BICDL2: variants seen among roughly 807,000 people sequenced by gnomAD.
BICDL2 encodes BICD family-like cargo adapter 2.
In BICDL2, 62 loss-of-function variants were observed where a neutral mutation model predicts 56.6. The ratio of observed to expected loss-of-function variants is 1.10; its 90% CI spans 0.89 to 1.35. The LOEUF (loss-of-function observed/expected upper bound fraction) is 1.35, where lower values mean the gene tolerates loss of function less well. BICDL2 is among the 40% of genes most tolerant of loss of function. The probability of loss-of-function intolerance (pLI) is 0.00; values close to 1 mark genes in which losing one functional copy is unlikely to be tolerated. For missense variants in BICDL2, 808 were observed against 684.5 expected, an observed-to-expected ratio of 1.18 and a Z score of -2.01; for synonymous variants, 358 against 319.8, an observed-to-expected ratio of 1.12 and a Z score of -1.27.
intron 1 of BICDL2, 145 bp downstream of exon 1, chr16:3,036,749 G>A: frequency 2.6e-6 from 1 of 387,674 alleles, no homozygotes; most frequent in Non-Finnish European, 5.0e-6. Context: ...CCCGACGGCT[G>A]AGTTCCTGCC....
chr16:3,035,176 T>TGGCCCGGGGGGGGGGGGGGGGGGGGGG, intron 2 of BICDL2, 39 bp downstream of exon 2: 2 of 136,274 alleles, frequency 1.5e-5, no homozygotes, highest in East Asian at 1.4e-4. Context: ...CGTCCTCCCC[T>TGGCCCGGGGGGGGGGGGGGGGGGGGGG]GCCCACCCAC....
Position 3,036,553 on chromosome 16 carries a change from G to T in BICDL2, c.-31+341C>A, listed in dbSNP as rs1170704060. 7 of 452,364 alleles carry T rather than the reference G, an allele frequency of 1.5e-5. No individual in the cohort carries two copies. The Middle Eastern group carries it at 9.8e-4, about 63-fold the overall frequency. 28.0% of individuals were successfully genotyped at this position (452,364 alleles called of 1,614,324 possible). ...TGAGTGTCACGGTGGTCCCAGCCCAGCCGCCCCCAGGCCGCTCCCGGGGAC... is the reference window on the plus strand; with the variant it reads ...TGAGTGTCACGGTGGTCCCAGCCCATCCGCCCCCAGGCCGCTCCCGGGGAC... On this transcript the variant is annotated intron_variant, in intron 1 of 9. Transcript: ENST00000572449.
Position 3,029,747 on chromosome 16 carries a change from C to T in BICDL2, c.763-8G>A, listed in dbSNP as rs766130035. 1 of 1,483,888 alleles carries T rather than the reference C, an allele frequency of 6.7e-7. No homozygotes were observed. The highest frequency in any genetic ancestry group is 8.9e-7 in the Non-Finnish European group (1 of 1,125,472). The allele number at this position is 1,483,888 out of a possible 1,614,324, so 91.9% of individuals were successfully genotyped here. A position where few individuals can be genotyped will look rare whatever the true frequency, so the allele number is the denominator to read the frequency against. ...TGACCGTGCGCGTTCCAGCTGTGGA[C>T]GGTCCCGCAGACGGAAGCGCGGGCG... On this transcript the variant is annotated splice_polypyrimidine_tract_variant and splice_region_variant and intron_variant, in intron 5 of 9. Transcript: ENST00000572449.
In BICDL2 at chr16:3,035,375, C is replaced by T. The variant is rs757603388; in HGVS notation, c.122G>A (p.Gly41Asp). 5 of 1,607,526 alleles carry T rather than the reference C, an allele frequency of 3.1e-6. No homozygotes were observed. Among genetic ancestry groups the T allele is most frequent in the African/African-American group, 2.7e-5 (2 of 74,930 alleles). ...LERRDSFLGG[G>D]PGPEEPEDLA... Reference sequence around the variant, plus strand: ...GTCCTCGGGCTCCTCAGGCCCTGGGCCCCCTCCCAGGAATGAGTCCCGCCG... The same window carrying T: ...GTCCTCGGGCTCCTCAGGCCCTGGGTCCCCTCCCAGGAATGAGTCCCGCCG... Residue 41 changes from glycine (G) to aspartate (D), a missense_variant, in exon 2 of 10, where the codon GGC becomes GAC. Physicochemically the swap from Gly to Asp is moderately conservative, Grantham distance 94 (BLOSUM62 -1). Transcript: ENST00000572449.
chr16:3,030,294 T>A, intron 5 of BICDL2, 155 bp downstream of exon 5: 1 of 928,188 alleles, frequency 1.1e-6, no homozygotes, highest in Non-Finnish European at 1.6e-6. Context: ...TCAACAGCCT[T>A]CCGTGGCTCC....
intron 1 of BICDL2, chr16:3,036,613 C>A (rs749513648): frequency 4.4e-6 from 2 of 450,642 alleles, no homozygotes; most frequent in South Asian, 3.1e-5. Context: ...CCCGCTCCCC[C>A]GCCCCCCTCC....
At chr16:3,035,176 T>TTGGCCCCGGGGGGGGGGGGGGG in intron 2 of BICDL2, 39 bp downstream of exon 2, 1 of 136,272 alleles carries the variant, frequency 7.3e-6, no homozygotes, top group Non-Finnish European at 1.4e-5. Context: ...CGTCCTCCCC[T>TTGGCCCCGGGGGGGGGGGGGGG]GCCCACCCAC....
chr16:3,029,469 T>TGGGGAAAG lies in BICDL2; in HGVS notation c.958-48_958-41dup, dbSNP rs763422024. 1.9e-6 allele frequency: 3 copies of TGGGGAAAG among 1,588,654 alleles called. No individual in the cohort carries two copies. The Admixed American group carries it at 5.2e-5, about 28-fold the overall frequency. On this transcript the variant is annotated intron_variant, in intron 6 of 9. Transcript: ENST00000572449. ...AATGGGTTAGTGGTGTGGAGTTTAT[T>TGGGGAAAG]GGGGAAAGGAGGAAAGGCGGAGCCT...
At position 3,030,562 on chromosome 16, in the gene BICDL2, C is replaced by A. The variant is rs1955637884; in HGVS notation, c.649G>T (p.Glu217Ter). The A allele has an allele frequency of 1.9e-6, 3 of 1,597,348 alleles. No individual in the cohort carries two copies. Among genetic ancestry groups the A allele is most frequent in the Non-Finnish European group, 1.7e-6 (2 of 1,176,038 alleles). ...TCACGCAGGCCTCGGATCTGGGCCT[C>A]CAGGTCCTGCCGGCGGCTCTGCAGC... ...QMLQSRRQDL[E>*]AQIRGLREEV... The change falls in exon 5 of 10, where the codon GAG becomes TAG. Residue 217 changes from glutamate to a stop codon, truncating the protein, a stop_gained. Transcript: ENST00000572449. LOFTEE classifies it high-confidence loss of function.
rs1056542508 is a variant in BICDL2, at chr16:3,027,953, T to A, written c.*153A>T. On this transcript the variant is annotated 3_prime_UTR_variant, in exon 10 of 10. Coordinates refer to ENST00000572449, the MANE Select transcript of BICDL2 (RefSeq NM_001369667.1). ...CCACAAAGCTGGCCCCTGCTCCGGA[T>A]GAGCCCCTGCTCCCGATGAGCCCTT... is the stretch of plus-strand genomic sequence containing the variant. 1 of 1,182,658 alleles carries A rather than the reference T, an allele frequency of 8.5e-7. No homozygotes were observed. 73.3% of individuals were successfully genotyped at this position (1,182,658 alleles called of 1,614,324 possible).
In BICDL2 at chr16:3,029,666, A is replaced by G. The variant is rs750214915; in HGVS notation, c.836T>C (p.Leu279Pro). The G allele has an allele frequency of 1.3e-6, 2 of 1,537,560 alleles. No individual in the cohort carries two copies. The highest frequency in any genetic ancestry group is 2.4e-5 in the East Asian group (1 of 41,000). ...LRRLQRRVSE[L>P]EEESRLQDAD... ...GTCCTGGAGGCGTGACTCCTCCTCC[A>G]GCTCGGAGACGCGCCGCTGCAGCCT... The change falls in exon 6 of 10, where the codon CTG becomes CCG. Residue 279 changes from leucine to proline, a missense_variant. Transcript: ENST00000572449.
At chr16:3,036,185 C>A in intron 1 of BICDL2, 1 of 430,564 alleles carries the variant, frequency 2.3e-6, no homozygotes. Context: ...GGCATTCATG[C>A]CCCCACCCCT....
chr16:3,030,845 C>T (rs1265703522), intron 3 of BICDL2, 33 bp from the exon 4 acceptor site: 1 of 1,576,456 alleles, frequency 6.3e-7, no homozygotes, highest in Non-Finnish European at 8.6e-7. Flanking sequence ...AGAGGAGCCT[C>T]AGCACCAAGC....
rs370631507 is a variant in BICDL2, at chr16:3,035,246, G to C, written c.251C>G (p.Thr84Arg). The change falls in exon 2 of 10, where the codon ACG becomes AGG. Residue 84 changes from threonine (T) to arginine (R), a missense_variant. Thr to Arg is a moderately conservative substitution (Grantham distance 71, BLOSUM62 -1). Coordinates refer to ENST00000572449, the MANE Select transcript of BICDL2 (RefSeq NM_001369667.1). The part of the protein sequence containing the change: ...RNEELRRQLE[T>R]LSAQHLEREE... Reference sequence around the variant, plus strand: ...ACGCTCCAAGTGCTGGGCGCTCAGCGTCTCCAGCTGCCGCCGCAGCTCTTC... The same window carrying C: ...ACGCTCCAAGTGCTGGGCGCTCAGCCTCTCCAGCTGCCGCCGCAGCTCTTC... The C allele has an allele frequency of 6.6e-7, 1 of 1,524,852 alleles. No homozygotes were observed. The highest frequency in any genetic ancestry group is 2.0e-5 in the Admixed American group (1 of 49,080). The allele number at this position is 1,524,852 out of a possible 1,614,324, so 94.5% of individuals were successfully genotyped here. A position where few individuals can be genotyped will look rare whatever the true frequency, so the allele number is the denominator to read the frequency against.
intron 1 of BICDL2, chr16:3,036,371 C>T (rs934488759): frequency 6.2e-5 from 28 of 449,172 alleles, no homozygotes; most frequent in Middle Eastern, 6.6e-4. Flanking sequence ...CCTAGGGCGG[C>T]TCAGGGGCTG....
chr16:3,030,310 G>T, intron 5 of BICDL2, 139 bp downstream of exon 5: 1 of 1,085,296 alleles, frequency 9.2e-7, no homozygotes. Context: ...GCTCCCATTT[G>T]CCCATGGGCT....
At position 3,030,971 on chromosome 16, in the gene BICDL2, G is replaced by C; in HGVS notation, c.462C>G (p.Ser154Arg). ...GCTGGCTGAGCCGGAGGTTCTGCTC[G>C]CTGAGCTCGCTGAGGGCCCGTGCCC... is the stretch of plus-strand genomic sequence containing the variant. The part of the protein sequence containing the change: ...RERARALSEL[S>R]EQNLRLSQQL... The change falls in exon 3 of 10, where the codon AGC becomes AGG. Residue 154 changes from serine to arginine, a missense_variant. Ser to Arg is a moderately radical substitution (Grantham distance 110). Coordinates refer to ENST00000572449, the MANE Select transcript of BICDL2 (RefSeq NM_001369667.1). The C allele has an allele frequency of 6.4e-7, 1 of 1,551,408 alleles. No individual in the cohort carries two copies. Among genetic ancestry groups the C allele is most frequent in the Non-Finnish European group, 8.7e-7 (1 of 1,154,546 alleles).
intron 7 of BICDL2, 61 bp from the exon 8 acceptor site, chr16:3,028,891 A>C: frequency 6.7e-7 from 1 of 1,495,766 alleles, no homozygotes; most frequent in Non-Finnish European, 8.9e-7. Context: ...TGCTTCTCCC[A>C]GCAGCCCCGA....
intron 2 of BICDL2, chr16:3,032,813 G>T (rs190041502): frequency 6.6e-6 from 1 of 152,216 alleles, no homozygotes. Context: ...CCTTCTTGGA[G>T]GAGGGGAGAA....
Sources: gnomAD v4.1 joint callset for allele counts on GRCh38, gnomAD v4.1.1 for gene constraint, MANE v1.5 for transcripts, NCBI Gene and HGNC (gene_info 2026-07-23, HGNC 2026-07-21) for gene names.